Variants in DNAH3 observed in about 807,000 individuals in gnomAD.
The protein encoded by DNAH3 is dynein axonemal heavy chain 3.
A neutral mutation model predicts 432.5 loss-of-function variants in DNAH3; 332 were observed. That is an observed-to-expected ratio of 0.77 (90% CI 0.70 to 0.84). The LOEUF is 0.84. Ranked by LOEUF, DNAH3 falls within the 40% of genes least tolerant of loss-of-function variation. DNAH3 has a pLI of 0.00. For synonymous variants in DNAH3, 1,956 were observed against 1,900.2 expected (o/e 1.03, Z -0.76); for missense variants, 4,861 against 5,114.0 (o/e 0.95, Z 1.51).
chr16:20,934,692 G>A (rs1313147516), intron 61 of DNAH3, among the ~76,000 whole-genome samples: 1 of 152,016 alleles, frequency 6.6e-6, no homozygotes, highest in African/African-American at 2.4e-5. Context: ...AATCACTTCG[G>A]ATTTCTAGGT....
chr16:20,986,450 T>A (rs1408791658), intron 47 of DNAH3, among the ~76,000 whole-genome samples: 1 of 152,068 alleles, frequency 6.6e-6, no homozygotes, highest in East Asian at 1.9e-4. Context: ...GAGGCTGCAG[T>A]GTGCTATGAT....
intron 16 of DNAH3, among the ~76,000 whole-genome samples, chr16:21,102,877 C>CTTT (rs550772745): frequency 3.8e-4 from 51 of 135,282 alleles, no homozygotes; most frequent in African/African-American, 1.4e-3. Context: ...GACTATTATT[C>CTTT]TTTTTTTTTT....
chr16:21,001,473 C>T (rs1425227701), intron 42 of DNAH3, among the ~76,000 whole-genome samples: 1 of 152,064 alleles, frequency 6.6e-6, no homozygotes, highest in African/African-American at 2.4e-5. Flanking sequence ...CAAAACTGGA[C>T]CGTGATGCAA....
intron 18 of DNAH3, among the ~76,000 whole-genome samples, chr16:21,093,057 TAAC>T (rs1386917431): frequency 6.6e-6 from 1 of 151,788 alleles, no homozygotes; most frequent in Non-Finnish European, 1.5e-5. Context: ...TTAAAAACAA[TAAC>T]AACAACAATA....
chr16:20,933,295 G>A, exon 62 of DNAH3: 1 of 1,614,174 alleles, frequency 6.2e-7, no homozygotes, highest in East Asian at 2.2e-5. Context: ...CACTTGTTTT[G>A]TAGACTGGAC....
chr16:21,072,118 T>C (rs1239058447), intron 21 of DNAH3, among the ~76,000 whole-genome samples: 1 of 152,224 alleles, frequency 6.6e-6, no homozygotes, highest in African/African-American at 2.4e-5. Context: ...AATTACTGCA[T>C]AAACAAAGCT....
exon 41 of DNAH3, chr16:21,019,790 T>C (rs2088063530): frequency 1.9e-6 from 3 of 1,614,022 alleles, no homozygotes; most frequent in East Asian, 2.2e-5. Flanking sequence ...GAAACAGTCC[T>C]TGGAGCCAGA....
intron 11 of DNAH3, among the ~76,000 whole-genome samples, chr16:21,118,369 T>A (rs1420549821): frequency 1.3e-5 from 2 of 152,188 alleles, no homozygotes; most frequent in Non-Finnish European, 2.9e-5. Context: ...AAACAAACGA[T>A]GGCTTTATGA....
chr16:21,078,074 G>A (rs1355774309), intron 20 of DNAH3, among the ~76,000 whole-genome samples: 1 of 151,884 alleles, frequency 6.6e-6, no homozygotes, highest in African/African-American at 2.4e-5. Flanking sequence ...TCAGGAGTTC[G>A]AGACCAGCCT....
chr16:21,035,928 C>T (rs552047501), intron 35 of DNAH3, among the ~76,000 whole-genome samples: 1 of 152,052 alleles, frequency 6.6e-6, no homozygotes, highest in African/African-American at 2.4e-5. Context: ...CTGATGATGA[C>T]GGAGATGGTG....
At chr16:21,119,652 A>G (rs2152810771) in intron 11 of DNAH3, among the ~76,000 whole-genome samples, 1 of 151,176 alleles carries the variant, frequency 6.6e-6, no homozygotes, top group Non-Finnish European at 1.5e-5. Context: ...GCTGGAGTGC[A>G]ATGGCGCAAT....
At chr16:20,963,986 G>T in exon 53 of DNAH3, 1 of 1,614,168 alleles carries the variant, frequency 6.2e-7, no homozygotes, top group Non-Finnish European at 8.5e-7. Flanking sequence ...GTGGCAGAAT[G>T]CACAGCCACT....
Position 21,000,390 on chromosome 16 carries a change from G to T in DNAH3, c.6255C>A (p.Asn2085Lys), listed in dbSNP as rs377203350. 35 of 1,614,056 alleles carry T rather than the reference G, an allele frequency of 2.2e-5. No individual in the cohort carries two copies. In the African/African-American group the frequency reaches 4.3e-4, roughly 20 times the overall value. ...TTTTGGGAAGGTGGAGAAGGAAGTTGTTGGTGATGGCTGATTTGCCAGTGC... is the reference window on the plus strand; with the variant it reads ...TTTTGGGAAGGTGGAGAAGGAAGTTTTTGGTGATGGCTGATTTGCCAGTGC... The change falls in exon 43 of 62, where the codon AAC (asparagine) becomes AAA (lysine). Residue 2085 changes from asparagine (N) to lysine (K), a missense_variant. Physicochemically the swap from Asn to Lys is moderately conservative, Grantham distance 94. Transcript: ENST00000261383.
At chr16:21,077,015 T>C (rs539562107) in intron 20 of DNAH3, among the ~76,000 whole-genome samples, 3 of 152,260 alleles carry the variant, frequency 2.0e-5, no homozygotes, top group South Asian at 4.1e-4. Context: ...TTGCCAGTCA[T>C]GACAACCAAA....
At chr16:21,022,558 T>C (rs977335910) in intron 39 of DNAH3, among the ~76,000 whole-genome samples, 3 of 152,138 alleles carry the variant, frequency 2.0e-5, no homozygotes, top group Non-Finnish European at 4.4e-5. Context: ...GGGGCTCATT[T>C]TCAGTAATTT....
At chr16:20,940,148 G>A (rs1016890485) in intron 59 of DNAH3, among the ~76,000 whole-genome samples, 3 of 152,200 alleles carry the variant, frequency 2.0e-5, no homozygotes, top group Non-Finnish European at 1.5e-5. Context: ...TTAGTTCTGG[G>A]TTTAAACTGA....
chr16:21,157,048 C>T (rs1343356233), intron 1 of DNAH3, among the ~76,000 whole-genome samples: 1 of 150,356 alleles, frequency 6.7e-6, no homozygotes, highest in South Asian at 2.1e-4. Flanking sequence ...GTGGGGAACC[C>T]AGCATTTTGC....
Position 21,040,358 on chromosome 16 carries a change from A to ATCTTTTTTTTTTTTT in DNAH3, c.4639-416_4639-415insAAAAAAAAAAAAAGA, listed in dbSNP as rs771791969. Among the ~76,000 whole-genome samples the ATCTTTTTTTTTTTTT allele has an allele frequency of 1.3e-3, 103 of 79,744 alleles. 21 individuals carry two copies. The highest frequency in any genetic ancestry group is 4.8e-3 in the African/African-American group (85 of 17,760). The allele number at this position is 79,744 out of a possible 152,430, so 52.3% of individuals were successfully genotyped here. Reference sequence around the variant, plus strand: ...TCAGAAGAATCCCAAAGCCAGACAGATTTTTTTTTTTTTTTTTTTTTTTTT... The same window carrying ATCTTTTTTTTTTTTT: ...TCAGAAGAATCCCAAAGCCAGACAGATCTTTTTTTTTTTTTTTTTTTTTTTTTTTTTTTTTTTTTT... On this transcript the variant is annotated intron_variant, in intron 32 of 61. Coordinates refer to ENST00000261383, the Ensembl canonical transcript of DNAH3.
intron 18 of DNAH3, among the ~76,000 whole-genome samples, chr16:21,093,449 T>TA (rs2091593752): frequency 6.6e-6 from 1 of 152,202 alleles, no homozygotes; most frequent in Non-Finnish European, 1.5e-5. Context: ...TGAAGAGATG[T>TA]AAAGTGTCCA....
Sources: allele counts gnomAD v4.1 joint callset (sites outside exome capture counted in the v4.1 genomes callset), GRCh38; gene constraint gnomAD v4.1.1; transcripts MANE v1.5; gene names NCBI Gene and HGNC (gene_info 2026-07-23, HGNC 2026-07-21).